MYLK: variants seen among roughly 807,000 people sequenced by gnomAD.
MYLK encodes the protein myosin light chain kinase, smooth muscle.
Under a neutral mutation model 203.4 loss-of-function variants are expected in MYLK, and 106 were observed. The observed-to-expected ratio is 0.52, with a 90% CI of 0.45 to 0.61. MYLK has a LOEUF of 0.61. Ranked by LOEUF, MYLK falls within the 20% of genes least tolerant of loss-of-function variation. The pLI, the probability that MYLK is intolerant of heterozygous loss-of-function variation, is 0.00. For missense variants in MYLK, 2,072 were observed against 2,442.3 expected, an observed-to-expected ratio of 0.85 and a Z score of 3.20; for synonymous variants, 867 against 959.5, an observed-to-expected ratio of 0.90 and a Z score of 1.78.
chr3:123,733,226 C>G, intron 10 of MYLK, 124 bp from the exon 11 acceptor site: 1 of 1,064,258 alleles, frequency 9.4e-7, no homozygotes, highest in Non-Finnish European at 1.4e-6. Flanking sequence ...TGCCCTCCCA[C>G]CTCTGAGTCT....
Position 123,648,874 on chromosome 3 carries a change from C to T in MYLK, c.4415+97G>A, listed in dbSNP as rs2059112720. The T allele has an allele frequency of 2.9e-6, 3 of 1,036,858 alleles. No homozygotes were observed. Among genetic ancestry groups the T allele is most frequent in the East Asian group, 2.4e-5 (1 of 42,158 alleles). The allele number at this position is 1,036,858 out of a possible 1,614,324, so 64.2% of individuals were successfully genotyped here. ...CTCTCAGTCTGGGGAGGAGGCAGGC[C>T]CCAGGGAGCAACAGGAAGCTGAGGC... On this transcript the variant is annotated intron_variant, in intron 26 of 33. Coordinates refer to ENST00000360304, the MANE Select transcript of MYLK (RefSeq NM_053025.4). This position sits in a 1 kb window ranked among gnomAD's most constrained non-coding sequence, Gnocchi z 4.5.
At chr3:123,661,088 C>T (rs2059547301) in intron 23 of MYLK, among the ~76,000 whole-genome samples, 1 of 152,194 alleles carries the variant, frequency 6.6e-6, no homozygotes, top group African/African-American at 2.4e-5. Flanking sequence ...CTCCTGCCAG[C>T]TGGCAGACAG....
At chr3:123,687,807 G>A (rs1394807076) in intron 19 of MYLK, among the ~76,000 whole-genome samples, 2 of 152,008 alleles carry the variant, frequency 1.3e-5, no homozygotes, top group Non-Finnish European at 2.9e-5. Context: ...GAGTAGCTGG[G>A]ACTACAGGCA....
intron 3 of MYLK, among the ~76,000 whole-genome samples, chr3:123,826,200 G>A (rs1243158060): frequency 6.6e-6 from 1 of 152,168 alleles, no homozygotes; most frequent in Admixed American, 6.5e-5. Flanking sequence ...ATTCTCCCAG[G>A]CTGGCTGAGC....
chr3:123,668,522 G>A (rs1385425150), intron 20 of MYLK, among the ~76,000 whole-genome samples: 1 of 151,926 alleles, frequency 6.6e-6, no homozygotes, highest in Non-Finnish European at 1.5e-5. Flanking sequence ...GGGGAGGGGT[G>A]GGCTGCAAAG....
At chr3:123,793,871 G>T in intron 3 of MYLK, 27 bp from the exon 4 acceptor site, 1 of 1,613,792 alleles carries the variant, frequency 6.2e-7, no homozygotes, top group Middle Eastern at 1.6e-4. Flanking sequence ...AGAGGACAAG[G>T]TCAGATCAGA....
intron 20 of MYLK, chr3:123,681,816 C>T (rs2108452448): frequency 7.6e-6 from 2 of 261,652 alleles, no homozygotes; most frequent in South Asian, 4.9e-5. Flanking sequence ...GGGGCCACTG[C>T]ATATTTCAAC....
intron 19 of MYLK, among the ~76,000 whole-genome samples, chr3:123,690,282 C>A (rs750004250): frequency 6.6e-6 from 1 of 152,232 alleles, no homozygotes. Flanking sequence ...GTCATTGTTG[C>A]TGCTTACGGC....
chr3:123,791,542 T>C (rs1392529627), intron 4 of MYLK, among the ~76,000 whole-genome samples: 1 of 152,240 alleles, frequency 6.6e-6, no homozygotes, highest in Admixed American at 6.5e-5. Context: ...GCAAGACAGC[T>C]GGATGCTTTC....
intron 4 of MYLK, among the ~76,000 whole-genome samples, chr3:123,756,350 G>A (rs1285422710): frequency 6.6e-6 from 1 of 152,182 alleles, no homozygotes; most frequent in East Asian, 1.9e-4. Flanking sequence ...CTATTCCCTT[G>A]TTTTCGTAAT....
intron 12 of MYLK, among the ~76,000 whole-genome samples, chr3:123,725,635 T>C (rs1215322094): frequency 1.3e-5 from 2 of 152,236 alleles, no homozygotes; most frequent in African/African-American, 4.8e-5. Context: ...CTCATGCCCC[T>C]ATGTGTCAGG....
At chr3:123,879,674 G>A (rs922329578) in intron 1 of MYLK, among the ~76,000 whole-genome samples, 1 of 151,990 alleles carries the variant, frequency 6.6e-6, no homozygotes, top group East Asian at 1.9e-4. Flanking sequence ...TCACACTGTC[G>A]CCTGGGCTGG....
intron 3 of MYLK, among the ~76,000 whole-genome samples, chr3:123,829,194 G>A (rs1049595998): frequency 1.3e-5 from 2 of 152,104 alleles, no homozygotes; most frequent in East Asian, 1.9e-4. Flanking sequence ...ATCAATGTAG[G>A]TATCCAACAG....
At chr3:123,759,824 C>CAGGAGGCA (rs2063478434) in intron 4 of MYLK, among the ~76,000 whole-genome samples, 1 of 152,202 alleles carries the variant, frequency 6.6e-6, no homozygotes, top group Non-Finnish European at 1.5e-5. Context: ...TGCCTCCTCC[C>CAGGAGGCA]AGAAGGAGGA....
At chr3:123,664,405 C>G in intron 22 of MYLK, 147 bp from the exon 23 acceptor site, 1 of 1,121,392 alleles carries the variant, frequency 8.9e-7, no homozygotes, top group South Asian at 1.3e-5. Context: ...TGCCCTTCTC[C>G]CTGAGGCCCC....
At chr3:123,833,855 T>C (rs2066408395) in intron 2 of MYLK, among the ~76,000 whole-genome samples, 1 of 152,046 alleles carries the variant, frequency 6.6e-6, no homozygotes. Context: ...ATTCTCCTTG[T>C]CAAATGAGGA....
At chr3:123,828,627 T>C (rs966784843) in intron 3 of MYLK, among the ~76,000 whole-genome samples, 1 of 152,108 alleles carries the variant, frequency 6.6e-6, no homozygotes, top group Non-Finnish European at 1.5e-5. Context: ...AATGAAAATG[T>C]TTCTGCATAG....
intron 30 of MYLK, among the ~76,000 whole-genome samples, chr3:123,628,538 G>A (rs2058266252): frequency 6.6e-6 from 1 of 152,178 alleles, no homozygotes; most frequent in Admixed American, 6.5e-5. Flanking sequence ...GTCAGGCCCT[G>A]CCTCATCTAG....
chr3:123,780,192 G>A (rs901683655), intron 4 of MYLK, among the ~76,000 whole-genome samples: 2 of 152,104 alleles, frequency 1.3e-5, no homozygotes, highest in South Asian at 2.1e-4. Flanking sequence ...CCAGCACTTC[G>A]GGCGGCCTAG....
Sources: gnomAD v4.1 joint callset for allele counts (sites outside exome capture counted in the v4.1 genomes callset) on GRCh38, gnomAD v4.1.1 for gene constraint, Gnocchi (gnomAD v3.1) non-coding constraint, MANE v1.5 for transcripts, NCBI Gene and HGNC (gene_info 2026-07-23, HGNC 2026-07-21) for gene names.